Variants in PTTG1IP observed in about 807,000 individuals in gnomAD.
PTTG1IP encodes the protein PTTG1 interacting protein, also known as pituitary tumor-transforming gene 1 protein-interacting protein.
A neutral mutation model predicts 24.4 loss-of-function variants in PTTG1IP; 16 were observed. That is an observed-to-expected ratio of 0.66 (90% confidence interval 0.44 to 1.00). The LOEUF (loss-of-function observed/expected upper bound fraction) is 1.00. Among genes scored for constraint, PTTG1IP ranks in the 50% least tolerant of loss-of-function variants. The pLI is 0.00. For missense variants in PTTG1IP, 241 were observed against 245.8 expected (o/e 0.98, Z 0.13); for synonymous variants, 89 against 96.8 (o/e 0.92, Z 0.47).
chr21:44,865,844 C>G (rs1311852289), intron 1 of PTTG1IP: 7 of 266,594 alleles, frequency 2.6e-5, no homozygotes, highest in Admixed American at 9.7e-5. Context: ...TTTGGGAACC[C>G]AAGAGCCTCC....
intron 2 of PTTG1IP, among the ~76,000 whole-genome samples, chr21:44,863,823 G>T (rs183447685): frequency 1.3e-5 from 2 of 152,228 alleles, no homozygotes; most frequent in African/African-American, 4.8e-5. Flanking sequence ...ATCAGCAAAT[G>T]CAAGTATCCA....
chr21:44,861,129 A>G, intron 3 of PTTG1IP, 34 bp downstream of exon 3: 1 of 1,573,984 alleles, frequency 6.4e-7, no homozygotes, highest in Non-Finnish European at 8.7e-7. Context: ...AGAAGCATCG[A>G]TTTTGCAAGC....
intron 3 of PTTG1IP, among the ~76,000 whole-genome samples, chr21:44,856,583 T>A (rs560366088): frequency 6.6e-6 from 1 of 152,358 alleles, no homozygotes; most frequent in East Asian, 1.9e-4. Context: ...AGCCACACGT[T>A]CCTATCTGTG....
At chr21:44,869,489 G>C (rs555339080) in intron 1 of PTTG1IP, among the ~76,000 whole-genome samples, 206 of 152,300 alleles carry the variant, frequency 1.4e-3, no homozygotes, top group Non-Finnish European at 2.5e-3. Flanking sequence ...AGTAGAGATA[G>C]AGTCTTGCTA....
chr21:44,873,383 C>G (rs1322115328), intron 1 of PTTG1IP, 119 bp downstream of exon 1: 1 of 1,020,906 alleles, frequency 9.8e-7, no homozygotes, highest in East Asian at 4.2e-5. Context: ...TGCCTGCGAC[C>G]GTGGGCCCAG....
intron 2 of PTTG1IP, chr21:44,862,001 C>T: frequency 1.6e-6 from 1 of 625,646 alleles, no homozygotes; most frequent in Non-Finnish European, 2.9e-6. Context: ...CTGGAGAGAA[C>T]CTCATAGACG....
intron 1 of PTTG1IP, among the ~76,000 whole-genome samples, chr21:44,868,444 G>A (rs974103421): frequency 6.6e-6 from 1 of 152,190 alleles, no homozygotes; most frequent in Non-Finnish European, 1.5e-5. Context: ...CCCATCAGCC[G>A]GAAGCAGGGC....
chr21:44,865,135 C>T lies in PTTG1IP; in HGVS notation c.168+260G>A, dbSNP rs139711584. On this transcript the variant is annotated intron_variant, in intron 2 of 5. Coordinates refer to ENST00000330938, the MANE Select transcript of PTTG1IP (RefSeq NM_004339.4). Reference sequence around the variant, plus strand: ...TGGGCCTCGTTAGGAAGACTGGCCACGCAGTGCTGGCCCCATCTGCATAGG... The same window carrying T: ...TGGGCCTCGTTAGGAAGACTGGCCATGCAGTGCTGGCCCCATCTGCATAGG... 5.0e-3 allele frequency among the ~76,000 whole-genome samples: 756 copies of T among 152,326 alleles called. 8 individuals are homozygous for T. Among genetic ancestry groups the T allele is most frequent in the Non-Finnish European group, 6.5e-3 (439 of 68,028 alleles).
At chr21:44,873,404 G>A (rs896018154) in intron 1 of PTTG1IP, 98 bp downstream of exon 1, 33 of 1,131,070 alleles carry the variant, frequency 2.9e-5, no homozygotes, top group Non-Finnish European at 3.5e-5. Context: ...GCCGCCCGCC[G>A]AGCCCAGCGC....
rs772709209 is a variant in PTTG1IP at position 44,865,388 on chromosome 21, T to C, written c.168+7A>G. ...GCACTCTGGTCTCTAGTCCACGTGC[T>C]ACTTACGGAGACGTTCTTCAGGCAC... On this transcript the variant is annotated splice_region_variant and intron_variant, in intron 2 of 5. Coordinates refer to ENST00000330938, the MANE Select transcript of PTTG1IP (RefSeq NM_004339.4). 10 of 1,613,972 alleles carry C rather than the reference T, an allele frequency of 6.2e-6. No individual in the cohort carries two copies. In the Middle Eastern group the frequency reaches 9.9e-4, roughly 159 times the overall value.
At chr21:44,857,177 A>C (rs951955041) in intron 3 of PTTG1IP, among the ~76,000 whole-genome samples, 2 of 152,240 alleles carry the variant, frequency 1.3e-5, no homozygotes, top group African/African-American at 2.4e-5. Context: ...TCAATCATGT[A>C]GTTCAAACAG....
At chr21:44,859,478 C>T (rs762866526) in intron 3 of PTTG1IP, among the ~76,000 whole-genome samples, 29 of 150,526 alleles carry the variant, frequency 1.9e-4, no homozygotes, top group Middle Eastern at 3.4e-3. Context: ...GCGGTCCATG[C>T]AGGCACACAT....
chr21:44,860,040 C>A (rs1397678825), intron 3 of PTTG1IP, among the ~76,000 whole-genome samples: 1 of 152,184 alleles, frequency 6.6e-6, no homozygotes, highest in African/African-American at 2.4e-5. Flanking sequence ...ATAATGAGTT[C>A]TAGGTTACAA....
Position 44,850,448 on chromosome 21 carries a change from T to G in PTTG1IP, c.*1133A>C, listed in dbSNP as rs1232265411. The G allele has an allele frequency of 3.3e-5, 5 of 152,142 alleles. No homozygotes were observed. Among genetic ancestry groups the G allele is most frequent in the Non-Finnish European group, 7.3e-5 (5 of 68,048 alleles). 9.4% of individuals were successfully genotyped at this position (152,142 alleles called of 1,614,324 possible). On this transcript the variant is annotated 3_prime_UTR_variant, in exon 6 of 6. Coordinates refer to ENST00000330938, the MANE Select transcript of PTTG1IP (RefSeq NM_004339.4). The stretch of plus-strand genomic sequence containing the variant: ...CTGGAGAGCTCCCAGAGAAGCCCAC[T>G]CAGAAGGAAGTGGTCAGACCACCCT...
intron 3 of PTTG1IP, among the ~76,000 whole-genome samples, chr21:44,856,699 T>G (rs1465640184): frequency 6.6e-6 from 1 of 152,234 alleles, no homozygotes; most frequent in East Asian, 1.9e-4. Context: ...TGAGAAAAGT[T>G]AACTAACCAA....
At position 44,851,201 on chromosome 21, in the gene PTTG1IP, G is replaced by A. The variant is rs534173078; in HGVS notation, c.*380C>T. On this transcript the variant is annotated 3_prime_UTR_variant, in exon 6 of 6. Coordinates refer to ENST00000330938, the MANE Select transcript of PTTG1IP (RefSeq NM_004339.4). ...AAACCGACTTCCCTGTGTTGCGTGT[G>A]AAGCTTGTTAGTGGACAGAGAGAAA... 1.2e-5 allele frequency: 10 copies of A among 866,718 alleles called. No individual in the cohort carries two copies. In the East Asian group the frequency reaches 2.4e-4, roughly 21 times the overall value. 53.7% of individuals were successfully genotyped at this position (866,718 alleles called of 1,614,324 possible).
chr21:44,861,327 G>T, intron 2 of PTTG1IP, 56 bp from the exon 3 acceptor site: 2 of 1,466,118 alleles, frequency 1.4e-6, no homozygotes, highest in Non-Finnish European at 9.5e-7. Flanking sequence ...CCAAAGAACT[G>T]TCCAGGCTCT....
intron 3 of PTTG1IP, among the ~76,000 whole-genome samples, chr21:44,858,374 G>C (rs1005817445): frequency 1.3e-5 from 2 of 152,204 alleles, no homozygotes; most frequent in African/African-American, 4.8e-5. Flanking sequence ...AGGGCCCTGA[G>C]GGCCCGGCCA....
chr21:44,865,618 C>T (rs570036276), intron 1 of PTTG1IP, 171 bp from the exon 2 acceptor site: 2 of 680,442 alleles, frequency 2.9e-6, no homozygotes, highest in Admixed American at 4.4e-5. Context: ...AAGCCTTCTT[C>T]AAGACATGTG....
Sources: allele counts gnomAD v4.1 joint callset (sites outside exome capture counted in the v4.1 genomes callset), GRCh38; gene constraint gnomAD v4.1.1; transcripts MANE v1.5; gene names NCBI Gene and HGNC (gene_info 2026-07-23, HGNC 2026-07-21).